CANX: variants seen among roughly 807,000 people sequenced by gnomAD.
CANX encodes the protein calnexin.
Under a neutral mutation model 75.7 loss-of-function variants are expected in CANX, and 14 were observed. That is an observed-to-expected ratio of 0.19 (90% confidence interval 0.12 to 0.29). The LOEUF is 0.29. Ranked by LOEUF, CANX falls within the 10% of genes least tolerant of loss-of-function variation. The probability of loss-of-function intolerance (pLI) is 1.00; values close to 1 mark genes in which losing one functional copy is unlikely to be tolerated. For missense variants in CANX, 567 were observed against 713.2 expected (o/e 0.79, Z 2.34); for synonymous variants, 227 against 236.9 (o/e 0.96, Z 0.38).
chr5:179,705,312 C>T lies in CANX; in HGVS notation c.-3-367C>T, dbSNP rs189329381. Among the ~76,000 whole-genome samples, 57 of 152,260 alleles carry T rather than the reference C, an allele frequency of 3.7e-4. No individual in the cohort carries two copies. In the East Asian group the frequency reaches 5.8e-3, roughly 15 times the overall value. ...CTGTTATTTCATTGTAATGTTTTAA[C>T]GGGTACCCCCTGTAAATTAGTGTAT... On this transcript the variant is annotated intron_variant, in intron 1 of 14. Coordinates refer to ENST00000247461, the MANE Select transcript of CANX (RefSeq NM_001746.4).
upstream of CANX, among the ~76,000 whole-genome samples, chr5:179,696,910 A>C (rs1562447279): frequency 6.6e-6 from 1 of 151,656 alleles, no homozygotes. Flanking sequence ...TTCCAACAGC[A>C]CGTACTCACT....
At chr5:179,689,277 C>T (rs942758064) in intron 1 of CANX, among the ~76,000 whole-genome samples, 8 of 150,998 alleles carry the variant, frequency 5.3e-5, no homozygotes, top group Non-Finnish European at 1.0e-4. Context: ...AAAAAACCAA[C>T]GAAAACATAC....
At chr5:179,712,834 T>C (rs1445782973) in intron 7 of CANX, among the ~76,000 whole-genome samples, 1 of 148,382 alleles carries the variant, frequency 6.7e-6, no homozygotes, top group Non-Finnish European at 1.5e-5. Flanking sequence ...AGCGATTCTC[T>C]TGCCACAGCC....
intron 1 of CANX, among the ~76,000 whole-genome samples, chr5:179,692,460 C>T (rs1287998845): frequency 6.6e-6 from 1 of 152,110 alleles, no homozygotes; most frequent in East Asian, 1.9e-4. Flanking sequence ...GTAATCCCAG[C>T]ACTTTCAGAG....
Position 179,724,660 on chromosome 5 carries a change from C to G in CANX, c.1522C>G (p.Gln508Glu). Residue 508 changes from glutamine (Q) to glutamate (E), a missense_variant, in exon 13 of 15, where the codon CAG (glutamine) becomes GAG (glutamate). Coordinates refer to ENST00000247461, the MANE Select transcript of CANX (RefSeq NM_001746.4). The part of the protein sequence containing the change: ...VILFCCSGKK[Q>E]TSGMEYKKTD... ...TGTACTTTGGGGAACATTTCAGAAA[C>G]AGACCAGTGGTATGGAGTATAAGAA... The G allele has an allele frequency of 6.2e-7, 1 of 1,611,910 alleles. No homozygotes were observed. The highest frequency in any genetic ancestry group is 8.5e-7 in the Non-Finnish European group (1 of 1,178,810).
chr5:179,679,271 A>C lies in CANX; in HGVS notation c.-4+494A>C, dbSNP rs774055986. The C allele has an allele frequency of 1.2e-3, 1,769 of 1,517,952 alleles. 2 individuals carry two copies. Among genetic ancestry groups the C allele is most frequent in the Non-Finnish European group, 1.5e-3 (1,661 of 1,137,472 alleles). 94.0% of individuals were successfully genotyped at this position (1,517,952 alleles called of 1,614,324 possible). A position where few individuals can be genotyped will look rare whatever the true frequency, so the allele number is the denominator to read the frequency against. Reference sequence around the variant, plus strand: ...AGGCGAGCCAGGGGGCGCTGCTGGGAGACAAGAGTCCGGGTGAGCAGCGTG... The same window carrying C: ...AGGCGAGCCAGGGGGCGCTGCTGGGCGACAAGAGTCCGGGTGAGCAGCGTG... On this transcript the variant is annotated intron_variant, in intron 1 of 14. Transcript: ENST00000681674.
intron 10 of CANX, 127 bp downstream of exon 10, chr5:179,720,687 A>G (rs1255714906): frequency 2.5e-6 from 2 of 796,724 alleles, no homozygotes; most frequent in East Asian, 5.0e-5. Context: ...CAGAAAGTAG[A>G]CTTCCTAAGT....
chr5:179,715,894 C>T (rs1261639970), intron 7 of CANX: 3 of 590,196 alleles, frequency 5.1e-6, no homozygotes, highest in Admixed American at 2.5e-5. Context: ...TGCTGTAATT[C>T]TTAGAAAGCC....
At position 179,729,390 on chromosome 5, in the gene CANX, A is replaced by G. The variant is rs1778868589; in HGVS notation, c.*746A>G. On this transcript the variant is annotated 3_prime_UTR_variant, in exon 15 of 15. Transcript: ENST00000247461. Reference sequence around the variant, plus strand: ...GGCTTCATGTGGCACTTGGGCATTTATATTCCACTTGGGAGGGTCAGGCTG... The same window carrying G: ...GGCTTCATGTGGCACTTGGGCATTTGTATTCCACTTGGGAGGGTCAGGCTG... The G allele has an allele frequency of 1.3e-5, 2 of 153,358 alleles. No individual in the cohort carries two copies. Among genetic ancestry groups the G allele is most frequent in the Non-Finnish European group, 2.9e-5 (2 of 68,550 alleles). 9.5% of individuals were successfully genotyped at this position (153,358 alleles called of 1,614,324 possible). A position where few individuals can be genotyped will look rare whatever the true frequency, so the allele number is the denominator to read the frequency against.
At chr5:179,679,309 C>T in intron 1 of CANX, 29 of 1,441,456 alleles carry the variant, frequency 2.0e-5, no homozygotes, top group Non-Finnish European at 2.7e-5. Context: ...TGGTACAGGC[C>T]GCCTCTCAAA....
chr5:179,691,906 T>C (rs1396342093), intron 1 of CANX, among the ~76,000 whole-genome samples: 1 of 151,024 alleles, frequency 6.6e-6, no homozygotes, highest in Non-Finnish European at 1.5e-5. Flanking sequence ...GCCTCCCGAG[T>C]AGCTGGGACT....
At chr5:179,714,143 C>T (rs113109411) in intron 7 of CANX, among the ~76,000 whole-genome samples, 1 of 151,928 alleles carries the variant, frequency 6.6e-6, no homozygotes, top group Non-Finnish European at 1.5e-5. Context: ...GGACTATAGG[C>T]ATGCGCCACC....
intron 4 of CANX, among the ~76,000 whole-genome samples, chr5:179,707,645 ATTTT>A (rs775542894): frequency 3.9e-5 from 4 of 103,646 alleles, no homozygotes; most frequent in Non-Finnish European, 4.0e-5. Context: ...GTGTTGCCTA[ATTTT>A]TTTTTTTTTT....
At chr5:179,710,519 A>G (rs367887433) in intron 7 of CANX, among the ~76,000 whole-genome samples, 243 of 149,962 alleles carry the variant, frequency 1.6e-3, no homozygotes, top group African/African-American at 5.4e-3. Context: ...CATCCTGGCT[A>G]ACATGGTGAA....
chr5:179,731,394 T>C lies in CANX; in HGVS notation c.*2750T>C, dbSNP rs1778983530. Among the ~76,000 whole-genome samples the C allele has an allele frequency of 6.6e-6, 1 of 152,152 alleles. No homozygotes were observed. Among genetic ancestry groups the C allele is most frequent in the South Asian group, 2.1e-4 (1 of 4,830 alleles). ...TTAGATTACATACTAAAGAAAAGTA[T>C]GTACACAGAATGTAGTGCTCCTAGT... On this transcript the variant is annotated 3_prime_UTR_variant, in exon 15 of 15. Transcript: ENST00000247461.
chr5:179,706,657 A>G (rs1777160105), intron 3 of CANX, among the ~76,000 whole-genome samples: 1 of 152,028 alleles, frequency 6.6e-6, no homozygotes, highest in Non-Finnish European at 1.5e-5. Context: ...GGGTTTTGAC[A>G]TGTTGGCCAG....
rs1467715097 is a variant in CANX at position 179,707,253 on chromosome 5, C to T, written c.304+63C>T. ...GAGGTTTGACATGTTGTCTCCATGGCATTTCCTAAGACTAGTTTAAAAGGA... is the reference window on the plus strand; with the variant it reads ...GAGGTTTGACATGTTGTCTCCATGGTATTTCCTAAGACTAGTTTAAAAGGA... On this transcript the variant is annotated intron_variant, in intron 4 of 14. Transcript: ENST00000247461. 7.5e-6 allele frequency: 7 copies of T among 934,084 alleles called. No individual in the cohort carries two copies. In the African/African-American group the frequency reaches 9.7e-5, roughly 13 times the overall value. The allele number at this position is 934,084 out of a possible 1,614,324, so 57.9% of individuals were successfully genotyped here. A position where few individuals can be genotyped will look rare whatever the true frequency, so the allele number is the denominator to read the frequency against.
At chr5:179,720,877 G>T (rs1238284126) in intron 10 of CANX, among the ~76,000 whole-genome samples, 1 of 152,016 alleles carries the variant, frequency 6.6e-6, no homozygotes, top group Non-Finnish European at 1.5e-5. Flanking sequence ...TCTGCCTTCC[G>T]GTTTCAAGCG....
At chr5:179,688,094 T>C (rs569789180) in intron 1 of CANX, among the ~76,000 whole-genome samples, 60 of 150,578 alleles carry the variant, frequency 4.0e-4, no homozygotes, top group Admixed American at 9.9e-4. Context: ...AGTGTCGCTC[T>C]GTTGCCAGGC....
Sources: allele counts gnomAD v4.1 joint callset (sites outside exome capture counted in the v4.1 genomes callset), GRCh38; gene constraint gnomAD v4.1.1; transcripts MANE v1.5; gene names NCBI Gene and HGNC (gene_info 2026-07-23, HGNC 2026-07-21).